The following MICOS10 variants were observed in gnomAD, a reference collection of about 807,000 sequenced individuals.
MICOS10 encodes mitochondrial contact site and cristae organizing system subunit 10.
MICOS10 carries 5 observed loss-of-function variants against 13.4 expected under a neutral mutation model. The ratio of observed to expected loss-of-function variants is 0.37; its 90% CI spans 0.20 to 0.78. The LOEUF is 0.78. MICOS10 is among the 30% of genes least tolerant of loss of function. MICOS10 has a pLI of 0.47. For missense variants in MICOS10, 101 were observed against 94.6 expected, an observed-to-expected ratio of 1.07 and a Z score of -0.28; for synonymous variants, 35 against 33.6, an observed-to-expected ratio of 1.04 and a Z score of -0.15.
At chr1:19,607,474 G>A (rs1292895495) in intron 1 of MICOS10, among the ~76,000 whole-genome samples, 1 of 152,156 alleles carries the variant, frequency 6.6e-6, no homozygotes, top group Non-Finnish European at 1.5e-5. Flanking sequence ...AAGTCATTTG[G>A]TGTAGTAATA....
rs764771084 is a variant in MICOS10 at position 19,626,444 on chromosome 1, G to A, written c.*43G>A. On this transcript the variant is annotated 3_prime_UTR_variant, in exon 4 of 4. Coordinates refer to ENST00000322753, the MANE Select transcript of MICOS10 (RefSeq NM_001032363.4). ...CCAGCGGGAGGACAAGAGAAATCAT[G>A]TTTATTCCTCAGGAATACTGAAGTG... 6 of 1,611,864 alleles carry A rather than the reference G, an allele frequency of 3.7e-6. No homozygotes were observed. In the Admixed American group the frequency reaches 6.7e-5, roughly 18 times the overall value.
intron 1 of MICOS10, among the ~76,000 whole-genome samples, chr1:19,619,438 G>A (rs2094895834): frequency 6.6e-6 from 1 of 152,170 alleles, no homozygotes; most frequent in Non-Finnish European, 1.5e-5. Flanking sequence ...GTCCATAACT[G>A]TAATGGACAA....
At chr1:19,597,166 T>C (rs2094794969) in intron 1 of MICOS10, 57 bp downstream of exon 1, 5 of 1,542,826 alleles carry the variant, frequency 3.2e-6, no homozygotes, top group Middle Eastern at 1.8e-4. Flanking sequence ...GGCTCCAGGC[T>C]GCGCTGCCCA....
chr1:19,604,724 G>A (rs1310454783), intron 1 of MICOS10, among the ~76,000 whole-genome samples: 1 of 152,194 alleles, frequency 6.6e-6, no homozygotes, highest in Non-Finnish European at 1.5e-5. Flanking sequence ...ACCAGGTATT[G>A]TGGTAAGCCT....
chr1:19,625,535 C>T (rs763365346), intron 3 of MICOS10: 68 of 1,289,310 alleles, frequency 5.3e-5, no homozygotes, highest in Non-Finnish European at 6.2e-5. Context: ...GCACTGAAGC[C>T]GGCAGCCGGC....
chr1:19,601,269 C>T (rs978462356), intron 1 of MICOS10: 1 of 317,422 alleles, frequency 3.2e-6, no homozygotes, highest in Non-Finnish European at 6.3e-6. Context: ...CCCTTGCCCC[C>T]ATTACTATCT....
At chr1:19,619,568 C>T (rs1031803432) in intron 1 of MICOS10, among the ~76,000 whole-genome samples, 3 of 152,072 alleles carry the variant, frequency 2.0e-5, no homozygotes, top group Non-Finnish European at 4.4e-5. Context: ...AAGATAAGGC[C>T]TATTATTTTA....
chr1:19,625,333 A>G lies in MICOS10; in HGVS notation c.223-1054A>G, dbSNP rs2094918071. ...AATTCTAGTCAGGAGCTGTGGCCAC[A>G]AGGGCCACCAAATCCAAAGTAGCAG... On this transcript the variant is annotated intron_variant, in intron 3 of 3. Transcript: ENST00000322753. The G allele has an allele frequency of 3.9e-6, 5 of 1,271,782 alleles. No individual in the cohort carries two copies. In the South Asian group the frequency reaches 5.0e-5, roughly 13 times the overall value. 78.8% of individuals were successfully genotyped at this position (1,271,782 alleles called of 1,614,324 possible). A position where few individuals can be genotyped will look rare whatever the true frequency, so the allele number is the denominator to read the frequency against.
intron 1 of MICOS10, among the ~76,000 whole-genome samples, chr1:19,605,450 T>G (rs2094831157): frequency 1.3e-5 from 2 of 152,128 alleles, no homozygotes. Flanking sequence ...AACCACCAAT[T>G]TACTTTTTGT....
At chr1:19,617,753 G>A (rs960448785) in intron 1 of MICOS10, among the ~76,000 whole-genome samples, 10 of 152,108 alleles carry the variant, frequency 6.6e-5, no homozygotes, top group South Asian at 2.1e-4. Context: ...CAGGAAGCAC[G>A]GCCATTATAA....
chr1:19,604,351 T>C (rs1398121714), intron 1 of MICOS10, among the ~76,000 whole-genome samples: 1 of 152,006 alleles, frequency 6.6e-6, no homozygotes, highest in African/African-American at 2.4e-5. Flanking sequence ...CTACTAGACA[T>C]ACAAAAAATT....
At chr1:19,610,367 C>CTTTTTTTTTTT (rs773668659) in intron 1 of MICOS10, among the ~76,000 whole-genome samples, 1 of 11,914 alleles carries the variant, frequency 8.4e-5, no homozygotes, top group Non-Finnish European at 1.6e-4. Context: ...CACCCCCCGG[C>CTTTTTTTTTTT]TTTTTTTTTT....
intron 1 of MICOS10, among the ~76,000 whole-genome samples, chr1:19,604,153 G>A (rs944885731): frequency 1.3e-5 from 2 of 152,188 alleles, no homozygotes; most frequent in African/African-American, 4.8e-5. Context: ...GTAGTTGCAA[G>A]TGAGGATAAA....
intron 1 of MICOS10, among the ~76,000 whole-genome samples, chr1:19,615,233 C>T (rs1046981410): frequency 6.6e-6 from 1 of 152,150 alleles, no homozygotes; most frequent in Non-Finnish European, 1.5e-5. Flanking sequence ...GTACTCTTGC[C>T]CTTTAGTGCT....
intron 3 of MICOS10, 44 bp downstream of exon 3, chr1:19,623,627 AT>A (rs746397824): frequency 1.5e-6 from 2 of 1,377,100 alleles, no homozygotes; most frequent in Non-Finnish European, 2.1e-6. Context: ...GAAGAAAAAG[AT>A]TTCTCCTGAG....
At chr1:19,617,886 G>GA (rs1289112845) in intron 1 of MICOS10, among the ~76,000 whole-genome samples, 1 of 151,036 alleles carries the variant, frequency 6.6e-6, no homozygotes, top group South Asian at 2.1e-4. Context: ...CAGCAAGTCT[G>GA]AAAGGATCCT....
rs2094931153 is a variant in MICOS10 at position 19,629,240 on chromosome 1, G to T, written c.*2839G>T. 6.6e-6 allele frequency: 1 copy of T among 152,204 alleles called. No homozygotes were observed. The highest frequency in any genetic ancestry group is 2.4e-5 in the African/African-American group (1 of 41,442). The allele number at this position is 152,204 out of a possible 1,614,324, so 9.4% of individuals were successfully genotyped here. A position where few individuals can be genotyped will look rare whatever the true frequency, so the allele number is the denominator to read the frequency against. ...GCTTGTGCAACTGACTTTGTTTCTT[G>T]TCTGCCTTTCTGGAACCAAATCCAA... On this transcript the variant is annotated 3_prime_UTR_variant, in exon 4 of 4. Coordinates refer to ENST00000322753, the MANE Select transcript of MICOS10 (RefSeq NM_001032363.4).
chr1:19,620,208 C>T (rs2094898350), intron 1 of MICOS10, among the ~76,000 whole-genome samples: 1 of 152,158 alleles, frequency 6.6e-6, no homozygotes, highest in African/African-American at 2.4e-5. Context: ...GTAAGACAAA[C>T]CTTTCATGTT....
chr1:19,615,022 T>G (rs1052974352), intron 1 of MICOS10, among the ~76,000 whole-genome samples: 4 of 152,166 alleles, frequency 2.6e-5, no homozygotes, highest in African/African-American at 9.7e-5. Context: ...TCTTGAAAAC[T>G]TAAAAAAAAT....
Sources: allele counts gnomAD v4.1 joint callset (sites outside exome capture counted in the v4.1 genomes callset), GRCh38; gene constraint gnomAD v4.1.1; transcripts MANE v1.5; gene names NCBI Gene and HGNC (gene_info 2026-07-23, HGNC 2026-07-21).